Variants in DCBLD1 observed in about 807,000 individuals in gnomAD.
DCBLD1 encodes discoidin, CUB and LCCL domain-containing protein 1.
A neutral mutation model predicts 71.5 loss-of-function variants in DCBLD1; 57 were observed. The observed-to-expected ratio is 0.80, with a 90% CI of 0.64 to 0.99. The LOEUF (loss-of-function observed/expected upper bound fraction) is 0.99, where lower values mean the gene tolerates loss of function less well. Among genes scored for constraint, DCBLD1 ranks in the 50% least tolerant of loss-of-function variants. The pLI is 0.00. For synonymous variants in DCBLD1, 380 were observed against 363.8 expected (o/e 1.04, Z -0.51); for missense variants, 891 against 923.5 (o/e 0.96, Z 0.46).
chr6:117,532,484 G>T (rs1391129659), intron 6 of DCBLD1, 91 bp downstream of exon 6: 2 of 1,428,840 alleles, frequency 1.4e-6, no homozygotes, highest in East Asian at 5.1e-5. Context: ...AGACAGCAGG[G>T]ATGTGATAGC....
chr6:117,518,872 A>G (rs936084683), intron 2 of DCBLD1, among the ~76,000 whole-genome samples: 11 of 152,124 alleles, frequency 7.2e-5, no homozygotes, highest in Non-Finnish European at 1.5e-4. Flanking sequence ...TTTTGTCCCT[A>G]TTGGTTCTGG....
intron 2 of DCBLD1, among the ~76,000 whole-genome samples, chr6:117,507,366 A>G (rs528881973): frequency 6.6e-6 from 1 of 152,222 alleles, no homozygotes; most frequent in Non-Finnish European, 1.5e-5. Flanking sequence ...GTTTCCTAAT[A>G]CAGACAAAAT....
At chr6:117,539,513 C>A (rs1443576915) in intron 9 of DCBLD1, 134 bp downstream of exon 9, 3 of 1,065,756 alleles carry the variant, frequency 2.8e-6, no homozygotes, top group East Asian at 3.0e-5. Context: ...TGCCTGTAAT[C>A]CCCAAGCTTT....
chr6:117,548,817 A>C lies in DCBLD1; in HGVS notation c.*378A>C. ...TCTATCAGATTTTAGTTCTGCACAG[A>C]GGTTAAGTGGGAAAATGCAGCTGTT... On this transcript the variant is annotated 3_prime_UTR_variant, in exon 15 of 15. Coordinates refer to ENST00000338728, the MANE Select transcript of DCBLD1 (RefSeq NM_001366458.2). The C allele has an allele frequency of 1.3e-5, 14 of 1,074,062 alleles. No homozygotes were observed. The highest frequency in any genetic ancestry group is 1.6e-5 in the Non-Finnish European group (14 of 886,158). 66.5% of individuals were successfully genotyped at this position (1,074,062 alleles called of 1,614,324 possible). A position where few individuals can be genotyped will look rare whatever the true frequency, so the allele number is the denominator to read the frequency against.
Position 117,549,633 on chromosome 6 carries a change from G to A in DCBLD1, c.*1194G>A, listed in dbSNP as rs1583039124. On this transcript the variant is annotated 3_prime_UTR_variant, in exon 15 of 15. Transcript: ENST00000338728. ...TGAAGAATGTATTATAACCCTATTTGTGTGGTTATTACATCCTGTGAAATG... is the reference window on the plus strand; with the variant it reads ...TGAAGAATGTATTATAACCCTATTTATGTGGTTATTACATCCTGTGAAATG... 1.0e-6 allele frequency: 1 copy of A among 985,184 alleles called. No individual in the cohort carries two copies. The highest frequency in any genetic ancestry group is 1.2e-6 in the Non-Finnish European group (1 of 829,924). 61.0% of individuals were successfully genotyped at this position (985,184 alleles called of 1,614,324 possible). A position where few individuals can be genotyped will look rare whatever the true frequency, so the allele number is the denominator to read the frequency against.
intron 1 of DCBLD1, among the ~76,000 whole-genome samples, chr6:117,489,254 A>G (rs1777197653): frequency 6.6e-6 from 1 of 152,170 alleles, no homozygotes; most frequent in South Asian, 2.1e-4. Context: ...ACAGAGCAAG[A>G]GACATGCTCT....
chr6:117,516,964 T>A (rs953974902), intron 2 of DCBLD1, among the ~76,000 whole-genome samples: 5 of 152,176 alleles, frequency 3.3e-5, no homozygotes, highest in Non-Finnish European at 5.9e-5. Context: ...CAAACCATTA[T>A]CATTTCGACC....
intron 5 of DCBLD1, among the ~76,000 whole-genome samples, chr6:117,531,588 A>G (rs966590054): frequency 5.9e-5 from 9 of 152,128 alleles, no homozygotes; most frequent in Non-Finnish European, 1.3e-4. Flanking sequence ...TGGCTTTTTG[A>G]TGCCTCCTGA....
chr6:117,497,099 G>A (rs1022880942), intron 1 of DCBLD1, among the ~76,000 whole-genome samples: 1 of 152,288 alleles, frequency 6.6e-6, no homozygotes, highest in Non-Finnish European at 1.5e-5. Context: ...GGATGCTGAG[G>A]CAGGAGAATT....
chr6:117,502,727 C>A (rs1333020023), intron 1 of DCBLD1, among the ~76,000 whole-genome samples: 2 of 151,972 alleles, frequency 1.3e-5, no homozygotes, highest in African/African-American at 4.8e-5. Context: ...CCAGCTGAGA[C>A]CAGAAATTTT....
chr6:117,545,596 A>G lies in DCBLD1; in HGVS notation c.1614A>G (p.Ala538=), dbSNP rs898832688. The change falls in exon 14 of 15, where the codon GCA becomes GCG. Residue 538 remains alanine (A), a splice_region_variant and synonymous_variant. Transcript: ENST00000338728. ...QKLDLITSDM[A]DYQQPLMIGT... ...TAGATCTCATCACAAGTGATATGGC[A>G]GGTAAGTGTCATATTTCTAGGACTG... is the stretch of plus-strand genomic sequence containing the variant. The G allele has an allele frequency of 6.2e-7, 1 of 1,613,546 alleles. No individual in the cohort carries two copies. Among genetic ancestry groups the G allele is most frequent in the African/African-American group, 1.3e-5 (1 of 74,938 alleles).
chr6:117,546,497 T>C (rs888759175), intron 14 of DCBLD1, among the ~76,000 whole-genome samples: 2 of 152,200 alleles, frequency 1.3e-5, no homozygotes, highest in Non-Finnish European at 2.9e-5. Context: ...TTGAGTCACT[T>C]TGTGGACAAG....
chr6:117,525,581 G>C (rs1778522993), intron 5 of DCBLD1, 147 bp downstream of exon 5: 2 of 524,226 alleles, frequency 3.8e-6, no homozygotes, highest in Admixed American at 8.2e-5. Context: ...AATGAAATAA[G>C]TATAAAAACC....
Position 117,548,030 on chromosome 6 carries a change from G to A in DCBLD1, c.1739G>A (p.Cys580Tyr). The change falls in exon 15 of 15, where the codon TGC (cysteine) becomes TAC (tyrosine). Residue 580 changes from cysteine to tyrosine, a missense_variant. Cys to Tyr is a radical substitution (Grantham distance 194). Transcript: ENST00000338728. ...ACCGATGCCGGCGGCCACTATGACTGCCCGCAGCGGGCCGGCCGCCACGAG... is the reference window on the plus strand; with the variant it reads ...ACCGATGCCGGCGGCCACTATGACTACCCGCAGCGGGCCGGCCGCCACGAG... ...VSTDAGGHYD[C>Y]PQRAGRHEYA... 5 of 1,549,718 alleles carry A rather than the reference G, an allele frequency of 3.2e-6. No individual in the cohort carries two copies. The highest frequency in any genetic ancestry group is 2.4e-5 in the East Asian group (1 of 40,878).
At chr6:117,520,169 A>G (rs773620538) in intron 3 of DCBLD1, among the ~76,000 whole-genome samples, 7 of 152,148 alleles carry the variant, frequency 4.6e-5, no homozygotes, top group Non-Finnish European at 7.3e-5. Flanking sequence ...CCACATTAGA[A>G]GAAGAATTGT....
intron 2 of DCBLD1, among the ~76,000 whole-genome samples, chr6:117,517,405 C>T (rs1176362661): frequency 6.6e-6 from 1 of 152,238 alleles, no homozygotes; most frequent in African/African-American, 2.4e-5. Context: ...CTCCCCACTG[C>T]TTCCACAGGC....
At position 117,548,522 on chromosome 6, in the gene DCBLD1, G is replaced by A. The variant is rs558101509; in HGVS notation, c.*83G>A. ...GAAGAAGGGAGCCTGCTGGTCCAGA[G>A]TGTGCGTGTGTATCGGTGTGTGTGT... On this transcript the variant is annotated 3_prime_UTR_variant, in exon 15 of 15. Transcript: ENST00000338728. 7.1e-5 allele frequency: 108 copies of A among 1,527,950 alleles called. No homozygotes were observed. The African/African-American group carries it at 1.3e-3, about 18-fold the overall frequency. The allele number at this position is 1,527,950 out of a possible 1,614,324, so 94.6% of individuals were successfully genotyped here. A position where few individuals can be genotyped will look rare whatever the true frequency, so the allele number is the denominator to read the frequency against.
chr6:117,518,525 G>A (rs565029018), intron 2 of DCBLD1, among the ~76,000 whole-genome samples: 7 of 152,194 alleles, frequency 4.6e-5, no homozygotes, highest in Admixed American at 2.0e-4. Context: ...GTATTAGTCC[G>A]TTTTCATGCT....
chr6:117,513,731 G>A (rs1403679227), intron 2 of DCBLD1, among the ~76,000 whole-genome samples: 1 of 152,196 alleles, frequency 6.6e-6, no homozygotes, highest in African/African-American at 2.4e-5. Context: ...GGAAGGGGTT[G>A]GATTTCAGTC....
Sources: allele counts gnomAD v4.1 joint callset (sites outside exome capture counted in the v4.1 genomes callset), GRCh38; gene constraint gnomAD v4.1.1; transcripts MANE v1.5; gene names NCBI Gene and HGNC (gene_info 2026-07-23, HGNC 2026-07-21).